The following CTNND2 variants were observed in gnomAD, a reference collection of about 807,000 sequenced individuals.
The protein encoded by CTNND2 is catenin delta-2.
CTNND2 carries 22 observed loss-of-function variants against 144.4 expected under a neutral mutation model. The ratio of observed to expected loss-of-function variants is 0.15; its 90% confidence interval spans 0.11 to 0.22. CTNND2 has a LOEUF of 0.22. Ranked by LOEUF, CTNND2 falls within the 10% of genes least tolerant of loss-of-function variation. The pLI is 1.00. For missense variants in CTNND2, 1,353 were observed against 1,618.8 expected, an observed-to-expected ratio of 0.84 and a Z score of 2.82; for synonymous variants, 751 against 695.6, an observed-to-expected ratio of 1.08 and a Z score of -1.25.
intron 12 of CTNND2, among the ~76,000 whole-genome samples, chr5:11,154,446 A>G (rs975216920): frequency 6.6e-6 from 1 of 152,188 alleles, no homozygotes; most frequent in African/African-American, 2.4e-5. Context: ...TAAGCTACAG[A>G]GGGGAATGGC....
At chr5:11,725,619 G>T (rs1786974475) in intron 2 of CTNND2, among the ~76,000 whole-genome samples, 1 of 151,994 alleles carries the variant, frequency 6.6e-6, no homozygotes, top group Non-Finnish European at 1.5e-5. Context: ...GAAAAGCACT[G>T]AATTTGAAGT....
At chr5:11,607,976 C>A (rs1411201473) in intron 2 of CTNND2, among the ~76,000 whole-genome samples, 1 of 152,130 alleles carries the variant, frequency 6.6e-6, no homozygotes, top group African/African-American at 2.4e-5. Flanking sequence ...TTATAAAATA[C>A]AACATCTCTG....
At chr5:11,752,384 A>G (rs1788671424) in intron 1 of CTNND2, among the ~76,000 whole-genome samples, 1 of 151,696 alleles carries the variant, frequency 6.6e-6, no homozygotes, top group South Asian at 2.1e-4. Context: ...TCCAGTTTCA[A>G]TCTTCTGTAT....
intron 2 of CTNND2, among the ~76,000 whole-genome samples, chr5:11,624,726 G>C (rs192484356): frequency 6.6e-6 from 1 of 151,928 alleles, no homozygotes; most frequent in African/African-American, 2.4e-5. Flanking sequence ...AAATGATTCT[G>C]CTCCTGTTAA....
chr5:11,093,042 G>C (rs1432504141), intron 15 of CTNND2, among the ~76,000 whole-genome samples: 5 of 152,138 alleles, frequency 3.3e-5, no homozygotes, highest in South Asian at 2.1e-4. Flanking sequence ...TCTTCACTAA[G>C]TCCATGTTGC....
At chr5:11,035,358 C>A (rs1428134411) in intron 16 of CTNND2, among the ~76,000 whole-genome samples, 2 of 152,144 alleles carry the variant, frequency 1.3e-5, no homozygotes, top group African/African-American at 4.8e-5. Context: ...TGGCATGTAA[C>A]CCTCTGTTTC....
rs879106483 is a variant in CTNND2, at chr5:11,894,581, G to T, written c.37+9236C>A. On this transcript the variant is annotated intron_variant, in intron 1 of 21. Coordinates refer to ENST00000304623, the MANE Select transcript of CTNND2 (RefSeq NM_001332.4). ...TACCCCCCACCATTACTGTATTTTT[G>T]AAGTGCATCAAAAGTTCCAGAGAAT... 7.2e-5 allele frequency among the ~76,000 whole-genome samples: 11 copies of T among 152,112 alleles called. 1 individual carries two copies. The highest frequency in any genetic ancestry group is 4.1e-4 in the South Asian group (2 of 4,826).
At chr5:11,393,754 C>G (rs1463405377) in intron 6 of CTNND2, among the ~76,000 whole-genome samples, 2 of 152,108 alleles carry the variant, frequency 1.3e-5, no homozygotes, top group African/African-American at 2.4e-5. Flanking sequence ...GCAGGGCAAT[C>G]TAATAGGAAG....
At chr5:11,601,695 CTT>C (rs2126331906) in intron 2 of CTNND2, among the ~76,000 whole-genome samples, 1 of 152,128 alleles carries the variant, frequency 6.6e-6, no homozygotes, top group African/African-American at 2.4e-5. Context: ...TAAATTATCA[CTT>C]TTGATCTTCT....
intron 3 of CTNND2, among the ~76,000 whole-genome samples, chr5:11,511,128 T>A (rs1253926853): frequency 1.3e-5 from 2 of 152,206 alleles, no homozygotes; most frequent in African/African-American, 4.8e-5. Context: ...GTTGTCTTGT[T>A]GAGAGTTGAT....
intron 5 of CTNND2, among the ~76,000 whole-genome samples, chr5:11,398,499 A>T (rs1330626540): frequency 6.6e-6 from 1 of 152,240 alleles, no homozygotes; most frequent in Non-Finnish European, 1.5e-5. Context: ...ATTTGAAACA[A>T]CATGAAGATA....
intron 9 of CTNND2, among the ~76,000 whole-genome samples, chr5:11,238,833 T>G (rs1486169287): frequency 1.3e-5 from 2 of 152,152 alleles, no homozygotes; most frequent in South Asian, 4.1e-4. Flanking sequence ...TTGCTGATAA[T>G]GAACAAACTA....
At chr5:11,764,537 TC>T (rs1789468812) in intron 1 of CTNND2, among the ~76,000 whole-genome samples, 2 of 152,178 alleles carry the variant, frequency 1.3e-5, no homozygotes, top group Admixed American at 6.5e-5. Context: ...GATGCTCATA[TC>T]CCTGGAGTCT....
chr5:11,204,891 C>T (rs573926398), intron 10 of CTNND2, among the ~76,000 whole-genome samples: 1 of 152,110 alleles, frequency 6.6e-6, no homozygotes, highest in African/African-American at 2.4e-5. Context: ...GCATTCAGGG[C>T]AACAGAAGAT....
chr5:11,510,356 C>T (rs1771521256), intron 3 of CTNND2, among the ~76,000 whole-genome samples: 1 of 152,138 alleles, frequency 6.6e-6, no homozygotes, highest in South Asian at 2.1e-4. Flanking sequence ...ATTACAGAAT[C>T]TCAGGCCCCT....
chr5:11,082,571 A>T, intron 16 of CTNND2, 125 bp downstream of exon 16: 1 of 1,090,718 alleles, frequency 9.2e-7, no homozygotes, highest in Non-Finnish European at 1.3e-6. Context: ...AGAAAAAATG[A>T]GGCTGCTAAT....
At chr5:11,285,942 T>TTAATAAGAGA (rs1554021074) in intron 9 of CTNND2, among the ~76,000 whole-genome samples, 3 of 152,070 alleles carry the variant, frequency 2.0e-5, no homozygotes, top group African/African-American at 4.8e-5. Flanking sequence ...AGAGCATAGG[T>TTAATAAGAGA]GGATGCAGAT....
chr5:11,873,134 C>T (rs1393141748), intron 1 of CTNND2, among the ~76,000 whole-genome samples: 1 of 152,156 alleles, frequency 6.6e-6, no homozygotes, highest in Non-Finnish European at 1.5e-5. Flanking sequence ...CTGTAGAAAA[C>T]TAACATTTGT....
intron 1 of CTNND2, among the ~76,000 whole-genome samples, chr5:11,795,158 T>C (rs10746549): frequency 0.82 from 124,688 of 152,138 alleles, 55,236 homozygotes; most frequent in Non-Finnish European, 0.98. Context: ...CTACGTGCCC[T>C]GACTCCAATG....
Sources: allele counts gnomAD v4.1 joint callset (sites outside exome capture counted in the v4.1 genomes callset), GRCh38; gene constraint gnomAD v4.1.1; transcripts MANE v1.5; gene names NCBI Gene and HGNC (gene_info 2026-07-23, HGNC 2026-07-21).